The following LTA4H variants were observed in gnomAD, a reference collection of about 807,000 sequenced individuals.
LTA4H encodes leukotriene A-4 hydrolase.
A neutral mutation model predicts 89.8 loss-of-function variants in LTA4H; 59 were observed. The observed-to-expected ratio is 0.66, with a 90% CI of 0.53 to 0.82. LTA4H has a LOEUF of 0.82. Ranked by LOEUF, LTA4H falls within the 40% of genes least tolerant of loss-of-function variation. The pLI is 0.00. For missense variants in LTA4H, 617 were observed against 727.0 expected, an observed-to-expected ratio of 0.85 and a Z score of 1.74; for synonymous variants, 227 against 253.1, an observed-to-expected ratio of 0.90 and a Z score of 0.98.
At chr12:96,035,200 CACA>C (rs1950624766) in intron 1 of LTA4H, among the ~76,000 whole-genome samples, 158 bp downstream of exon 1, 1 of 152,042 alleles carries the variant, frequency 6.6e-6, no homozygotes, top group South Asian at 2.1e-4. Context: ...GGCTGAAGTG[CACA>C]ACATGAGTTG....
intron 1 of LTA4H, chr12:96,043,210 C>T (rs937519517): frequency 1.1e-5 from 11 of 1,012,788 alleles, no homozygotes; most frequent in African/African-American, 6.4e-5. Flanking sequence ...CGGGTAGACC[C>T]GGGAGGTGAA....
chr12:96,009,113 A>T lies in LTA4H; in HGVS notation c.1415T>A (p.Leu472Ter), dbSNP rs753324234. ...DMTLTNACIA[L>*]SQRWITAKED... ...ACTTACAGTAATCCATCTTTGACTT[A>T]AGGCAATACAAGCATTTGTCAGAGT... Residue 472 changes from leucine (L) to a stop codon, truncating the protein, a stop_gained, in exon 15 of 19, where the codon TTA becomes TAA. Coordinates refer to ENST00000228740, the MANE Select transcript of LTA4H (RefSeq NM_000895.3). LOFTEE classifies it high-confidence loss of function. The T allele has an allele frequency of 6.2e-7, 1 of 1,606,254 alleles. No homozygotes were observed. The highest frequency in any genetic ancestry group is 1.7e-5 in the Admixed American group (1 of 59,946).
chr12:96,041,983 TTTC>T (rs1456567457), intron 1 of LTA4H, among the ~76,000 whole-genome samples: 3 of 115,108 alleles, frequency 2.6e-5, no homozygotes, highest in Middle Eastern at 4.2e-3. Context: ...TTTGTTTTTT[TTTC>T]TTTTTTTTTT....
chr12:96,036,108 TTTG>T (rs1950644129), upstream of LTA4H, among the ~76,000 whole-genome samples: 1 of 149,582 alleles, frequency 6.7e-6, no homozygotes, highest in Non-Finnish European at 1.5e-5. Flanking sequence ...GTAATTGTTT[TTTG>T]TTTTTAGCTG....
In LTA4H at chr12:96,029,202, T is replaced by A; in HGVS notation, c.160-17A>T. ...ATCCAAAACCTAAAATTAATATTTT[T>A]AAATAGTAAGAAAATAGTTTCATTT... On this transcript the variant is annotated splice_polypyrimidine_tract_variant and intron_variant, in intron 1 of 18. Transcript: ENST00000228740. 1 of 1,392,000 alleles carries A rather than the reference T, an allele frequency of 7.2e-7. No homozygotes were observed. The highest frequency in any genetic ancestry group is 1.3e-5 in the South Asian group (1 of 74,098). The allele number at this position is 1,392,000 out of a possible 1,614,324, so 86.2% of individuals were successfully genotyped here.
At chr12:96,003,769 C>A in intron 17 of LTA4H, 69 bp downstream of exon 17, 1 of 1,058,694 alleles carries the variant, frequency 9.4e-7, no homozygotes, top group Non-Finnish European at 1.4e-6. Flanking sequence ...CTCTGCATTC[C>A]CTTTCTCCAT....
In LTA4H at chr12:96,024,354, C is replaced by CTAGCTCT. The variant is rs1950488157; in HGVS notation, c.480+124_480+125insAGAGCTA. On this transcript the variant is annotated intron_variant, in intron 4 of 18. Coordinates refer to ENST00000228740, the MANE Select transcript of LTA4H (RefSeq NM_000895.3). ...CCACAGCCTCTTTGTTTACATATTT[C>CTAGCTCT]AGGTAGAATTTCATTAAGAAAAATA... 3.4e-5 allele frequency: 19 copies of CTAGCTCT among 559,476 alleles called. 2 individuals are homozygous for CTAGCTCT. The South Asian group carries it at 4.6e-4, about 13-fold the overall frequency. 34.7% of individuals were successfully genotyped at this position (559,476 alleles called of 1,614,324 possible). A position where few individuals can be genotyped will look rare whatever the true frequency, so the allele number is the denominator to read the frequency against.
intron 1 of LTA4H, among the ~76,000 whole-genome samples, chr12:96,032,819 T>C (rs1950590271): frequency 6.6e-6 from 1 of 152,186 alleles, no homozygotes; most frequent in South Asian, 2.1e-4. Flanking sequence ...GATTTTTAGA[T>C]TGGGACATTC....
rs747801691 is a variant in LTA4H, at chr12:96,029,091, G to A, written c.254C>T (p.Ser85Leu). ...ALGERQSYKG[S>L]PMEISLPIAL... ...GATAGGAAGAGAGATTTCCATTGGC[G>A]ATCCCTTGTAACTTTGTCTTTCTCC... Residue 85 changes from serine (S) to leucine (L), a missense_variant, in exon 2 of 19, where the codon TCG becomes TTG. Around this residue, in one of 3 missense-constraint regions of LTA4H, gnomAD observed 155 missense variants for 143.3 expected, o/e 1.08. Transcript: ENST00000228740. The A allele has an allele frequency of 1.4e-5, 22 of 1,588,956 alleles. No individual in the cohort carries two copies. The highest frequency in any genetic ancestry group is 8.1e-5 in the African/African-American group (6 of 73,988).
intron 1 of LTA4H, among the ~76,000 whole-genome samples, chr12:96,030,186 C>T (rs566486900): frequency 1.3e-5 from 2 of 152,200 alleles, no homozygotes; most frequent in Admixed American, 6.6e-5. Context: ...TGTACGCATA[C>T]ATCATAAATG....
In LTA4H at chr12:96,000,772, T is replaced by C; in HGVS notation, c.*217A>G. ...TTAATATAAAGCTAATTCAAAATTTTTTAATTTGTAAATCAAAAGATTAAA... is the reference window on the plus strand; with the variant it reads ...TTAATATAAAGCTAATTCAAAATTTCTTAATTTGTAAATCAAAAGATTAAA... On this transcript the variant is annotated 3_prime_UTR_variant, in exon 19 of 19. Transcript: ENST00000228740. The C allele has an allele frequency of 2.7e-6, 1 of 369,906 alleles. No individual in the cohort carries two copies. Among genetic ancestry groups the C allele is most frequent in the Middle Eastern group, 8.0e-4 (1 of 1,248 alleles). 22.9% of individuals were successfully genotyped at this position (369,906 alleles called of 1,614,324 possible). A position where few individuals can be genotyped will look rare whatever the true frequency, so the allele number is the denominator to read the frequency against.
At chr12:96,020,770 A>G (rs1459250187) in intron 6 of LTA4H, 1 of 228,746 alleles carries the variant, frequency 4.4e-6, no homozygotes, top group Non-Finnish European at 8.6e-6. Flanking sequence ...TATGAGGTAG[A>G]AAGTCAGACA....
chr12:96,035,735 G>A (rs1011983546), upstream of LTA4H: 3 of 1,270,094 alleles, frequency 2.4e-6, no homozygotes, highest in African/African-American at 3.0e-5. Context: ...GCGGGCGCTT[G>A]GCTACCTGGG....
chr12:96,005,020 T>A (rs964788170), intron 16 of LTA4H, among the ~76,000 whole-genome samples: 3 of 152,180 alleles, frequency 2.0e-5, no homozygotes, highest in African/African-American at 7.2e-5. Flanking sequence ...TTGCATCAAT[T>A]CCACAGAAAA....
rs779074744 is a variant in LTA4H at position 96,006,417 on chromosome 12, A to C, written c.1435-8T>G. The C allele has an allele frequency of 1.3e-6, 2 of 1,529,486 alleles. No homozygotes were observed. 94.7% of individuals were successfully genotyped at this position (1,529,486 alleles called of 1,614,324 possible). On this transcript the variant is annotated splice_region_variant and splice_polypyrimidine_tract_variant and intron_variant, in intron 15 of 18. Transcript: ENST00000228740. ...TAAATCATCTTCTTTGGCCTGAAATAAATGTTACCTAGTTATTTTTGTTCA... is the reference window on the plus strand; with the variant it reads ...TAAATCATCTTCTTTGGCCTGAAATCAATGTTACCTAGTTATTTTTGTTCA...
intron 16 of LTA4H, among the ~76,000 whole-genome samples, chr12:96,004,392 A>G (rs1566000874): frequency 6.6e-6 from 1 of 152,108 alleles, no homozygotes; most frequent in Non-Finnish European, 1.5e-5. Context: ...CAGTTCTTAA[A>G]TGTTTGTATT....
At chr12:96,016,871 G>C (rs758804230) in intron 10 of LTA4H, among the ~76,000 whole-genome samples, 173 bp downstream of exon 10, 3 of 151,392 alleles carry the variant, frequency 2.0e-5, no homozygotes, top group Admixed American at 2.0e-4. Context: ...CTGCACTCTA[G>C]CCTGAGTGAC....
At chr12:96,031,866 TA>T (rs1482619631) in intron 1 of LTA4H, among the ~76,000 whole-genome samples, 1 of 152,214 alleles carries the variant, frequency 6.6e-6, no homozygotes, top group Admixed American at 6.5e-5. Context: ...AGAGTTTTTT[TA>T]AAAAAAGCTT....
chr12:96,028,633 T>G (rs1429120533), intron 2 of LTA4H, among the ~76,000 whole-genome samples: 4 of 152,224 alleles, frequency 2.6e-5, no homozygotes, highest in Non-Finnish European at 4.4e-5. Flanking sequence ...ATCCCAAGAT[T>G]GCTGCACTGT....
Sources: allele counts gnomAD v4.1 joint callset (sites outside exome capture counted in the v4.1 genomes callset), GRCh38; gene constraint gnomAD v4.1.1; regional missense constraint gnomAD v4.1.1; transcripts MANE v1.5; gene names NCBI Gene and HGNC (gene_info 2026-07-23, HGNC 2026-07-21).